SPOCK1: variants seen among roughly 807,000 people sequenced by gnomAD.
SPOCK1 encodes the protein SPARC (osteonectin), cwcv and kazal like domains proteoglycan 1.
In SPOCK1, 23 loss-of-function variants were observed where a neutral mutation model predicts 55.3. That is an observed-to-expected ratio of 0.42 (90% confidence interval 0.30 to 0.59). The LOEUF (loss-of-function observed/expected upper bound fraction) is 0.59, where lower values mean the gene tolerates loss of function less well. SPOCK1 is among the 20% of genes least tolerant of loss of function. The pLI, the probability that SPOCK1 is intolerant of heterozygous loss-of-function variation, is 0.22. For synonymous variants in SPOCK1, 226 were observed against 221.0 expected, an observed-to-expected ratio of 1.02 and a Z score of -0.20; for missense variants, 499 against 552.5, an observed-to-expected ratio of 0.90 and a Z score of 0.97.
intron 2 of SPOCK1, among the ~76,000 whole-genome samples, chr5:137,477,337 A>C (rs1753856593): frequency 6.6e-6 from 1 of 152,100 alleles, no homozygotes. Context: ...TCAAAAAGTG[A>C]GGCTTTATTT....
rs1405254546 is a variant in SPOCK1, at chr5:137,080,930, C to A, written c.475-13101G>T. Among the ~76,000 whole-genome samples the A allele has an allele frequency of 2.0e-5, 3 of 152,182 alleles. No individual in the cohort carries two copies. The South Asian group carries it at 6.2e-4, about 31-fold the overall frequency. ...GATCTATAACTGCTACAAAGCAGCC[C>A]AGTAATGGCCTCTTTTGCAACTTCA... On this transcript the variant is annotated intron_variant, in intron 5 of 10. Coordinates refer to ENST00000394945, the MANE Select transcript of SPOCK1 (RefSeq NM_004598.4).
intron 4 of SPOCK1, among the ~76,000 whole-genome samples, chr5:137,119,059 T>G (rs1331674618): frequency 9.2e-5 from 14 of 152,192 alleles, no homozygotes; most frequent in Admixed American, 9.2e-4. Context: ...TAACCAGTCC[T>G]AGTAACTGGA....
chr5:137,229,926 C>A (rs1274566607), intron 3 of SPOCK1, among the ~76,000 whole-genome samples: 1 of 152,134 alleles, frequency 6.6e-6, no homozygotes, highest in Non-Finnish European at 1.5e-5. Flanking sequence ...GCTCACTCAC[C>A]CTGCCGCTCA....
intron 6 of SPOCK1, among the ~76,000 whole-genome samples, chr5:137,008,674 A>G (rs1284008002): frequency 6.6e-6 from 1 of 152,182 alleles, no homozygotes; most frequent in Non-Finnish European, 1.5e-5. Context: ...TACAAACAAC[A>G]ACAAAGAGGG....
intron 3 of SPOCK1, among the ~76,000 whole-genome samples, chr5:137,233,754 A>G (rs1486172883): frequency 1.7e-5 from 1 of 57,902 alleles, no homozygotes; most frequent in Non-Finnish European, 2.9e-5. Context: ...TTGATCTTGT[A>G]TCCTGTGACT....
At chr5:137,277,504 G>C (rs1443712588) in intron 2 of SPOCK1, among the ~76,000 whole-genome samples, 1 of 152,162 alleles carries the variant, frequency 6.6e-6, no homozygotes, top group African/African-American at 2.4e-5. Context: ...GAACACCAGA[G>C]ACCCTGGAGA....
intron 2 of SPOCK1, among the ~76,000 whole-genome samples, chr5:137,423,732 G>C (rs866525026): frequency 3.3e-5 from 5 of 152,168 alleles, no homozygotes; most frequent in Non-Finnish European, 5.9e-5. Context: ...TGTACTTCCC[G>C]GGTAAGGCGA....
At chr5:137,350,826 C>T (rs1005542627) in intron 2 of SPOCK1, among the ~76,000 whole-genome samples, 16 of 151,626 alleles carry the variant, frequency 1.1e-4, no homozygotes, top group African/African-American at 2.9e-4. Flanking sequence ...TGTCCACGCA[C>T]GTGTGCGTGT....
intron 3 of SPOCK1, among the ~76,000 whole-genome samples, chr5:137,144,105 C>T (rs1306018719): frequency 6.6e-6 from 1 of 152,110 alleles, no homozygotes; most frequent in East Asian, 1.9e-4. Context: ...CAGTACACCC[C>T]ACAGGATGAG....
intron 2 of SPOCK1, among the ~76,000 whole-genome samples, chr5:137,419,105 G>C (rs538577579): frequency 6.6e-6 from 1 of 152,254 alleles, no homozygotes; most frequent in African/African-American, 2.4e-5. Flanking sequence ...AAGATCAGAT[G>C]GTTGTAGATA....
chr5:137,450,864 G>C (rs575293066), intron 2 of SPOCK1, among the ~76,000 whole-genome samples: 2 of 46,616 alleles, frequency 4.3e-5, no homozygotes, highest in South Asian at 2.3e-3. Context: ...TTCTCACTGT[G>C]GCTGCTCCAC....
In SPOCK1 at chr5:136,992,527, C is replaced by T. The variant is rs771665370; in HGVS notation, c.663G>A (p.Ala221=). The change falls in exon 7 of 11, where the codon GCG becomes GCA. Residue 221 remains alanine, a synonymous_variant. Coordinates refer to ENST00000394945, the MANE Select transcript of SPOCK1 (RefSeq NM_004598.4). ...KDWFGALHED[A]NRVIKPTSSN... is the part of the protein sequence containing the mutation. ...AGCTGGTGGGCTTGATGACTCTGTT[C>T]GCATCCTCGTGGAGAGCTCCAAACC... 11 of 1,613,624 alleles carry T rather than the reference C, an allele frequency of 6.8e-6. No homozygotes were observed. The highest frequency in any genetic ancestry group is 5.3e-5 in the African/African-American group (4 of 74,852).
chr5:136,988,753 C>T (rs1444022516), intron 7 of SPOCK1, 110 bp from the exon 8 acceptor site: 68 of 906,010 alleles, frequency 7.5e-5, no homozygotes, highest in Non-Finnish European at 6.5e-5. Flanking sequence ...TGACTCCCTT[C>T]CTGAGGCTGT....
chr5:137,350,627 G>C (rs946015297), intron 2 of SPOCK1, among the ~76,000 whole-genome samples: 1 of 152,112 alleles, frequency 6.6e-6, no homozygotes, highest in South Asian at 2.1e-4. Context: ...TCTCCTGCTT[G>C]TTGGTCTCAA....
chr5:137,051,759 A>C (rs1326288341), intron 6 of SPOCK1, among the ~76,000 whole-genome samples: 1 of 152,220 alleles, frequency 6.6e-6, no homozygotes, highest in Non-Finnish European at 1.5e-5. Context: ...AGGGCATTTT[A>C]AAAATAATTA....
rs140857498 is a variant in SPOCK1 at position 137,367,514 on chromosome 5, A to G, written c.187-100459T>C. 4.0e-4 allele frequency among the ~76,000 whole-genome samples: 61 copies of G among 152,338 alleles called. No individual in the cohort carries two copies. The East Asian group carries it at 9.8e-3, about 25-fold the overall frequency. Reference sequence around the variant, plus strand: ...TTACAACTTAATGAAAAAAATATAAATAACTCAATTTGAGACATGCCTCAG... The same window carrying G: ...TTACAACTTAATGAAAAAAATATAAGTAACTCAATTTGAGACATGCCTCAG... On this transcript the variant is annotated intron_variant, in intron 2 of 10. Coordinates refer to ENST00000394945, the MANE Select transcript of SPOCK1 (RefSeq NM_004598.4).
chr5:137,441,511 C>T (rs1753007597), intron 2 of SPOCK1, among the ~76,000 whole-genome samples: 3 of 152,224 alleles, frequency 2.0e-5, no homozygotes, highest in African/African-American at 7.2e-5. Flanking sequence ...CAGGCTGAAA[C>T]CACTGCTCAC....
intron 6 of SPOCK1, among the ~76,000 whole-genome samples, chr5:137,023,750 TC>T (rs752247071): frequency 4.6e-5 from 7 of 152,282 alleles, no homozygotes; most frequent in Non-Finnish European, 8.8e-5. Flanking sequence ...TAAGTGATTT[TC>T]TTCCTCTGTC....
At chr5:137,043,730 C>A (rs1752046307) in intron 6 of SPOCK1, among the ~76,000 whole-genome samples, 1 of 152,078 alleles carries the variant, frequency 6.6e-6, no homozygotes, top group African/African-American at 2.4e-5. Context: ...TTAGAAAATA[C>A]CTGACCAGTA....
Sources: allele counts gnomAD v4.1 joint callset (sites outside exome capture counted in the v4.1 genomes callset), GRCh38; gene constraint gnomAD v4.1.1; transcripts MANE v1.5; gene names NCBI Gene and HGNC (gene_info 2026-07-23, HGNC 2026-07-21).